Variants in TBCD observed in about 807,000 individuals in gnomAD.
The protein encoded by TBCD is tubulin-specific chaperone D.
A neutral mutation model predicts 169.3 loss-of-function variants in TBCD; 105 were observed. That is an observed-to-expected ratio of 0.62 (90% confidence interval 0.53 to 0.73). TBCD has a LOEUF of 0.73. Ranked by LOEUF, TBCD falls within the 30% of genes least tolerant of loss-of-function variation. The pLI is 0.00. For missense variants in TBCD, 1,444 were observed against 1,600.1 expected (o/e 0.90, Z 1.66); for synonymous variants, 700 against 643.9 (o/e 1.09, Z -1.32).
At chr17:82,758,388 A>AAAAAAAAAAAAAT (rs2047529963) in intron 2 of TBCD, among the ~76,000 whole-genome samples, 1 of 133,128 alleles carries the variant, frequency 7.5e-6, no homozygotes, top group Non-Finnish European at 1.6e-5. Flanking sequence ...GTCTCGGAAA[A>AAAAAAAAAAAAAT]AAAAAAAAAA....
chr17:82,769,648 G>C (rs539234974), intron 5 of TBCD, among the ~76,000 whole-genome samples: 1 of 152,026 alleles, frequency 6.6e-6, no homozygotes, highest in Non-Finnish European at 1.5e-5. Flanking sequence ...AGGCCGGGGC[G>C]GGCAGATCAC....
In TBCD at chr17:82,920,479, G is replaced by A. The variant is rs559777726; in HGVS notation, c.2039-77G>A. 3.1e-6 allele frequency: 4 copies of A among 1,295,376 alleles called. No individual in the cohort carries two copies. The highest frequency in any genetic ancestry group is 2.2e-5 in the Admixed American group (1 of 45,390). 80.2% of individuals were successfully genotyped at this position (1,295,376 alleles called of 1,614,324 possible). A position where few individuals can be genotyped will look rare whatever the true frequency, so the allele number is the denominator to read the frequency against. ...GAGCTGGCCGCACACAACTCAGAATGTGGCAAAGGCAAGCCGCTGTGGCAG... is the reference window on the plus strand; with the variant it reads ...GAGCTGGCCGCACACAACTCAGAATATGGCAAAGGCAAGCCGCTGTGGCAG... On this transcript the variant is annotated intron_variant, in intron 23 of 38. Coordinates refer to ENST00000355528, the MANE Select transcript of TBCD (RefSeq NM_005993.5). The surrounding 1 kb of genome is among the most constrained non-coding windows in gnomAD (Gnocchi z 4.1).
At chr17:82,940,670 G>A (rs114763384) in intron 37 of TBCD, among the ~76,000 whole-genome samples, 1,776 of 152,306 alleles carry the variant, frequency 0.012, 47 homozygotes, top group African/African-American at 0.041. Context: ...GAGAGGAACC[G>A]GGAGCAGCTG....
At chr17:82,862,006 T>A (rs1334758889) in intron 13 of TBCD, among the ~76,000 whole-genome samples, 3 of 151,692 alleles carry the variant, frequency 2.0e-5, no homozygotes, top group Non-Finnish European at 4.4e-5. Flanking sequence ...CACTGCAACC[T>A]CCGCCTCCCA....
At chr17:82,813,411 C>T (rs1019320497) in intron 12 of TBCD, among the ~76,000 whole-genome samples, 3 of 152,102 alleles carry the variant, frequency 2.0e-5, no homozygotes, top group East Asian at 1.9e-4. Context: ...GAACTCGCCC[C>T]GGCTGCTTGG....
At position 82,889,283 on chromosome 17, in the gene TBCD, G is replaced by A. The variant is rs376697391; in HGVS notation, c.1534-385G>A. Reference sequence around the variant, plus strand: ...GGGCGCCCTCCCTGGAGGGCGGCACGTGGTGCCAGTTGGTGACCATGAGCT... The same window carrying A: ...GGGCGCCCTCCCTGGAGGGCGGCACATGGTGCCAGTTGGTGACCATGAGCT... On this transcript the variant is annotated intron_variant, in intron 15 of 38. Transcript: ENST00000355528. This position sits in a 1 kb window ranked among gnomAD's most constrained non-coding sequence, Gnocchi z 5.3. Among the ~76,000 whole-genome samples the A allele has an allele frequency of 6.6e-6, 1 of 152,154 alleles. No individual in the cohort carries two copies.
rs1469606569 is a variant in TBCD, at chr17:82,937,281, G to A, written c.3202G>A (p.Ala1068Thr). Residue 1068 changes from alanine (A) to threonine (T), a missense_variant, in exon 35 of 39, where the codon GCT (alanine) becomes ACT (threonine). By Grantham distance (58) the Ala-to-Thr change is moderately conservative. Coordinates refer to ENST00000355528, the MANE Select transcript of TBCD (RefSeq NM_005993.5). ...GTGTTGTTCTTCCAGCCACCCCTTT[G>A]CTGTGAAGTTGCTTGCGCTCTGTAA... The part of the protein sequence containing the change: ...IFTTEEDHPF[A>T]VKLLALCKKE... 2 of 1,614,056 alleles carry A rather than the reference G, an allele frequency of 1.2e-6. No homozygotes were observed. The highest frequency in any genetic ancestry group is 1.7e-6 in the Non-Finnish European group (2 of 1,179,886).
chr17:82,858,677 C>A lies in TBCD; in HGVS notation c.1319-11547C>A, dbSNP rs143170612. 208 of 984,258 alleles carry A rather than the reference C, an allele frequency of 2.1e-4. 1 individual carries two copies. In the African/African-American group the frequency reaches 3.4e-3, roughly 16 times the overall value. The allele number at this position is 984,258 out of a possible 1,614,324, so 61.0% of individuals were successfully genotyped here. ...TTTGAATGTGCCTGAGGTGAGGTTC[C>A]TGTGTTTTCCTTGTACTTACCTTCA... On this transcript the variant is annotated intron_variant, in intron 13 of 38. Transcript: ENST00000355528.
At chr17:82,830,131 T>A in intron 13 of TBCD, 1 of 1,613,286 alleles carries the variant, frequency 6.2e-7, no homozygotes, top group Non-Finnish European at 8.5e-7. Flanking sequence ...AACACACGTG[T>A]GAACCCGGCG....
Position 82,782,715 on chromosome 17 carries a change from C to T in TBCD, c.771+994C>T, listed in dbSNP as rs74000080. Among the ~76,000 whole-genome samples the T allele has an allele frequency of 9.6e-3, 1,456 of 151,792 alleles. 18 individuals are homozygous for T. The highest frequency in any genetic ancestry group is 0.033 in the African/African-American group (1,345 of 41,372). ...CGCCACGGCGTCCTCCTGTCCGTGG[C>T]GTCGTCCTCCTGTCCGCAGCATCGT... On this transcript the variant is annotated intron_variant, in intron 7 of 38. Transcript: ENST00000355528. The surrounding 1 kb of genome is among the most constrained non-coding windows in gnomAD (Gnocchi z 5.1).
chr17:82,927,918 G>A lies in TBCD; in HGVS notation c.2623G>A (p.Ala875Thr), dbSNP rs1336369381. The A allele has an allele frequency of 8.7e-6, 14 of 1,613,308 alleles. No homozygotes were observed. Among genetic ancestry groups the A allele is most frequent in the South Asian group, 2.2e-5 (2 of 91,084 alleles). ...TTGTCCCATCAGGGTCCGCAAGGCC[G>A]CCATGACCAGTCTGATGGATCTGAC... Reference protein sequence around the residue: ...GDVGTWVRKAAMTSLMDLTLL... With the variant: ...GDVGTWVRKATMTSLMDLTLL... The change falls in exon 30 of 39, where the codon GCC becomes ACC. Residue 875 changes from alanine (A) to threonine (T), a missense_variant. Transcript: ENST00000355528.
chr17:82,847,288 G>C (rs942420927), intron 13 of TBCD, among the ~76,000 whole-genome samples: 6 of 149,340 alleles, frequency 4.0e-5, no homozygotes, highest in Non-Finnish European at 7.4e-5. Context: ...GGGAGGCGGA[G>C]CTTGCAGTGA....
rs2050924051 is a variant in TBCD at position 82,805,893 on chromosome 17, A to G, written c.969A>G (p.Arg323=). Residue 323 remains arginine (R), a synonymous_variant, in exon 10 of 39, where the codon CGA becomes CGG. Transcript: ENST00000355528. ...TGCACAGGTACCAGCGTGGCTGCCG[A>G]TCTTTGGCTGCAAATCTGCAGCTCC... is the stretch of plus-strand genomic sequence containing the variant. The part of the protein sequence containing the change: ...VAAWRYQRGC[R]SLAANLQLLT... 3 of 1,609,868 alleles carry G rather than the reference A, an allele frequency of 1.9e-6. No homozygotes were observed. The highest frequency in any genetic ancestry group is 2.5e-6 in the Non-Finnish European group (3 of 1,176,600).
chr17:82,771,473 T>C (rs2048311339), intron 5 of TBCD, among the ~76,000 whole-genome samples: 1 of 151,660 alleles, frequency 6.6e-6, no homozygotes, highest in African/African-American at 2.4e-5. Flanking sequence ...TTCTGGAGTA[T>C]AGTGGTCTAA....
chr17:82,800,743 C>G (rs2050451757), intron 8 of TBCD, 121 bp from the exon 9 acceptor site: 2 of 1,228,714 alleles, frequency 1.6e-6, no homozygotes, highest in Non-Finnish European at 2.2e-6. Flanking sequence ...TGATGGGGGT[C>G]TTGGTGATGT....
At chr17:82,766,907 GTGTC>G (rs1027710444) in intron 4 of TBCD, among the ~76,000 whole-genome samples, 3 of 152,232 alleles carry the variant, frequency 2.0e-5, no homozygotes, top group Non-Finnish European at 2.9e-5. Context: ...CACCTGTGAG[GTGTC>G]TATCAGAGAA....
At chr17:82,859,805 G>C in intron 13 of TBCD, 1 of 985,442 alleles carries the variant, frequency 1.0e-6, no homozygotes, top group Non-Finnish European at 1.2e-6. Flanking sequence ...GCCTGTTCAT[G>C]GCAGTGACCC....
intron 23 of TBCD, among the ~76,000 whole-genome samples, chr17:82,917,123 G>A (rs886895908): frequency 1.0e-4 from 15 of 147,786 alleles, no homozygotes; most frequent in Admixed American, 5.6e-4. Context: ...GGGATTAAGC[G>A]ATTTTCCTGC....
At chr17:82,925,682 G>T (rs2061682135) in intron 27 of TBCD, among the ~76,000 whole-genome samples, 1 of 152,218 alleles carries the variant, frequency 6.6e-6, no homozygotes, top group Non-Finnish European at 1.5e-5. Flanking sequence ...TGTGTGGCGG[G>T]TGGGCCTCGC....
Sources: allele counts gnomAD v4.1 joint callset (sites outside exome capture counted in the v4.1 genomes callset), GRCh38; gene constraint gnomAD v4.1.1; non-coding constraint Gnocchi (gnomAD v3.1); transcripts MANE v1.5; gene names NCBI Gene and HGNC (gene_info 2026-07-23, HGNC 2026-07-21).